Variants in MTF2 observed in about 807,000 individuals in gnomAD.
MTF2 encodes the protein metal response element binding transcription factor 2.
A neutral mutation model predicts 79.5 loss-of-function variants in MTF2; 11 were observed. That is an observed-to-expected ratio of 0.14 (90% CI 0.09 to 0.23). The LOEUF is 0.23. Among genes scored for constraint, MTF2 ranks in the 10% least tolerant of loss-of-function variants. MTF2 has a pLI of 1.00. For missense variants in MTF2, 486 were observed against 711.2 expected (o/e 0.68, Z 3.60); for synonymous variants, 208 against 232.8 (o/e 0.89, Z 0.97).
chr1:93,134,333 A>T, intron 14 of MTF2, 138 bp downstream of exon 14: 1 of 629,748 alleles, frequency 1.6e-6, no homozygotes, highest in Non-Finnish European at 2.8e-6. Flanking sequence ...GGTAATCCAT[A>T]TGTAGATCCC....
intron 9 of MTF2, chr1:93,121,371 A>T: frequency 2.5e-6 from 2 of 804,660 alleles, no homozygotes; most frequent in Non-Finnish European, 3.0e-6. Context: ...TAGAATTACT[A>T]AAGTACATAT....
At chr1:93,098,661 G>A (rs1244751336) in intron 1 of MTF2, among the ~76,000 whole-genome samples, 1 of 152,208 alleles carries the variant, frequency 6.6e-6, no homozygotes, top group Non-Finnish European at 1.5e-5. Context: ...TAAGTTGTCA[G>A]TAGGTTAGGA....
chr1:93,110,213 T>G lies in MTF2; in HGVS notation c.6-17T>G. ...CTACAAGTAAGTCTTATGTATGGTC[T>G]TTTATTCTCTAAACAGAGACTCTAC... On this transcript the variant is annotated splice_polypyrimidine_tract_variant and intron_variant, in intron 1 of 14. Transcript: ENST00000370298. The G allele has an allele frequency of 1.2e-6, 2 of 1,610,440 alleles. No homozygotes were observed. Among genetic ancestry groups the G allele is most frequent in the Non-Finnish European group, 1.7e-6 (2 of 1,176,682 alleles).
At chr1:93,085,026 G>C (rs1025303058) in intron 1 of MTF2, among the ~76,000 whole-genome samples, 1 of 152,102 alleles carries the variant, frequency 6.6e-6, no homozygotes, top group African/African-American at 2.4e-5. Flanking sequence ...TCTCAGTTCT[G>C]AGGATTTTTT....
chr1:93,125,237 T>C (rs1010447885), intron 9 of MTF2, among the ~76,000 whole-genome samples: 1 of 151,916 alleles, frequency 6.6e-6, no homozygotes, highest in African/African-American at 2.4e-5. Context: ...AAATCTCTTA[T>C]TAGAATAAGT....
intron 14 of MTF2, chr1:93,134,455 A>G: frequency 5.2e-6 from 2 of 387,700 alleles, no homozygotes; most frequent in Non-Finnish European, 9.2e-6. Context: ...ACCATTGTTT[A>G]GAAGCTGTGC....
intron 1 of MTF2, among the ~76,000 whole-genome samples, chr1:93,096,812 T>C (rs1388454149): frequency 5.2e-5 from 7 of 135,322 alleles, no homozygotes; most frequent in African/African-American, 1.9e-4. Flanking sequence ...CTTTTTCTTT[T>C]TTTTTTTTTT....
intron 3 of MTF2, among the ~76,000 whole-genome samples, chr1:93,113,075 A>G (rs1656095072): frequency 6.6e-6 from 1 of 152,146 alleles, no homozygotes; most frequent in South Asian, 2.1e-4. Context: ...ACCACCTTCA[A>G]CGAAGTGTAC....
chr1:93,111,413 AG>A (rs1395279911), intron 3 of MTF2, among the ~76,000 whole-genome samples: 1 of 152,172 alleles, frequency 6.6e-6, no homozygotes, highest in Admixed American at 6.5e-5. Context: ...TTCTCCCTAA[AG>A]GGTAGACACC....
intron 3 of MTF2, among the ~76,000 whole-genome samples, chr1:93,111,184 A>C (rs1357286686): frequency 1.3e-5 from 2 of 152,194 alleles, no homozygotes; most frequent in Non-Finnish European, 2.9e-5. Flanking sequence ...TTCTATTATT[A>C]GAAACCATGA....
chr1:93,108,707 G>A (rs2101054621), intron 1 of MTF2, among the ~76,000 whole-genome samples: 1 of 149,160 alleles, frequency 6.7e-6, no homozygotes, highest in East Asian at 2.0e-4. Flanking sequence ...TGAGCTGCTT[G>A]GATGTGTAGA....
intron 1 of MTF2, among the ~76,000 whole-genome samples, chr1:93,088,350 C>T (rs1654933098): frequency 1.3e-5 from 2 of 152,068 alleles, no homozygotes; most frequent in South Asian, 4.2e-4. Context: ...TGTAGTTAAC[C>T]TTTCTTTATT....
At chr1:93,104,512 C>T (rs1382088192) in intron 1 of MTF2, among the ~76,000 whole-genome samples, 1 of 151,140 alleles carries the variant, frequency 6.6e-6, no homozygotes. Flanking sequence ...AACCTTGTCT[C>T]TACTAAAAAT....
chr1:93,129,219 G>A lies in MTF2; in HGVS notation c.990-59G>A, dbSNP rs528590195. On this transcript the variant is annotated intron_variant, in intron 10 of 14. Transcript: ENST00000370298. ...CCTTATATATGAAAGTTAAGTTAGG[G>A]TCTACTATGTATATGTGTTCAGTTT... 6 of 1,206,724 alleles carry A rather than the reference G, an allele frequency of 5.0e-6. No homozygotes were observed. In the Admixed American group the frequency reaches 1.6e-4, roughly 32 times the overall value. The allele number at this position is 1,206,724 out of a possible 1,614,324, so 74.8% of individuals were successfully genotyped here. A position where few individuals can be genotyped will look rare whatever the true frequency, so the allele number is the denominator to read the frequency against.
chr1:93,087,200 A>T (rs1654881402), intron 1 of MTF2, among the ~76,000 whole-genome samples: 3 of 152,172 alleles, frequency 2.0e-5, no homozygotes, highest in South Asian at 2.1e-4. Context: ...GTATCTGAGG[A>T]CACTTAACAA....
At chr1:93,098,759 T>C (rs1012908400) in intron 1 of MTF2, among the ~76,000 whole-genome samples, 3 of 152,212 alleles carry the variant, frequency 2.0e-5, no homozygotes, top group African/African-American at 4.8e-5. Flanking sequence ...TCCAAGTCAG[T>C]TGGTCTGTAA....
intron 1 of MTF2, among the ~76,000 whole-genome samples, chr1:93,086,637 A>G (rs1173191490): frequency 6.6e-6 from 1 of 152,138 alleles, no homozygotes; most frequent in Non-Finnish European, 1.5e-5. Flanking sequence ...ATGCAAAGAC[A>G]TATTCCTGTG....
chr1:93,100,224 T>C (rs1655469452), intron 1 of MTF2, among the ~76,000 whole-genome samples: 1 of 152,180 alleles, frequency 6.6e-6, no homozygotes, highest in African/African-American at 2.4e-5. Flanking sequence ...TGAGGAACTA[T>C]TGATTTTCAC....
intron 1 of MTF2, among the ~76,000 whole-genome samples, chr1:93,107,706 AC>A (rs1655855887): frequency 6.1e-5 from 3 of 48,898 alleles, no homozygotes; most frequent in Admixed American, 3.0e-4. Context: ...GACCTTAATT[AC>A]CATTTTTTTT....
Sources: gnomAD v4.1 joint callset for allele counts (sites outside exome capture counted in the v4.1 genomes callset) on GRCh38, gnomAD v4.1.1 for gene constraint, MANE v1.5 for transcripts, NCBI Gene and HGNC (gene_info 2026-07-23, HGNC 2026-07-21) for gene names.